The following ITCH variants were observed in gnomAD, a reference collection of about 807,000 sequenced individuals.
ITCH encodes E3 ubiquitin-protein ligase Itchy homolog.
ITCH carries 28 observed loss-of-function variants against 126.8 expected under a neutral mutation model. That is an observed-to-expected ratio of 0.22 (90% CI 0.16 to 0.30). The LOEUF is 0.30. ITCH is among the 10% of genes least tolerant of loss of function. ITCH has a pLI of 1.00. For synonymous variants in ITCH, 342 were observed against 340.0 expected (o/e 1.01, Z -0.06); for missense variants, 631 against 1,032.4 (o/e 0.61, Z 5.33).
chr20:34,471,419 G>T, intron 15 of ITCH, 25 bp from the exon 16 acceptor site: 1 of 1,430,366 alleles, frequency 7.0e-7, no homozygotes, highest in Non-Finnish European at 9.9e-7. Context: ...GATGAGAGTT[G>T]ACTTAAGTCA....
rs147247194 is a variant in ITCH, at chr20:34,437,536, C to T, written c.522-938C>T. Reference sequence around the variant, plus strand: ...TGCCCAGGCTGATCTGTCACTCCTGCGCTTAAGTGATCCTTTCACCTCAGC... The same window carrying T: ...TGCCCAGGCTGATCTGTCACTCCTGTGCTTAAGTGATCCTTTCACCTCAGC... On this transcript the variant is annotated intron_variant, in intron 7 of 24. Transcript: ENST00000374864. 1.1e-3 allele frequency among the ~76,000 whole-genome samples: 173 copies of T among 152,262 alleles called. 1 individual carries two copies. Among genetic ancestry groups the T allele is most frequent in the African/African-American group, 4.0e-3 (165 of 41,560 alleles).
At position 34,481,166 on chromosome 20, in the gene ITCH, A is replaced by G. The variant is rs1380919325; in HGVS notation, c.2053A>G (p.Asn685Asp). The change falls in exon 20 of 25, where the codon AAT becomes GAT. Residue 685 changes from asparagine (N) to aspartate (D), a missense_variant. Asn to Asp is a conservative substitution (Grantham distance 23). Coordinates refer to ENST00000374864, the MANE Select transcript of ITCH (RefSeq NM_031483.7). ...KSHDLKPNGG[N>D]ILVTEENKEE... is the part of the protein sequence containing the mutation. Reference sequence around the variant, plus strand: ...TCATGATCTGAAACCTAATGGTGGCAATATTCTTGTAACAGAAGAAAATAA... The same window carrying G: ...TCATGATCTGAAACCTAATGGTGGCGATATTCTTGTAACAGAAGAAAATAA... 4.3e-6 allele frequency: 7 copies of G among 1,613,272 alleles called. No homozygotes were observed. Among genetic ancestry groups the G allele is most frequent in the Non-Finnish European group, 5.9e-6 (7 of 1,179,522 alleles).
At chr20:34,457,970 A>G (rs1430879746) in intron 13 of ITCH, among the ~76,000 whole-genome samples, 1 of 152,260 alleles carries the variant, frequency 6.6e-6, no homozygotes, top group East Asian at 1.9e-4. Context: ...AACAATAGAA[A>G]AGCAAAAAAA....
At chr20:34,498,137 T>A (rs968460207) in intron 23 of ITCH, among the ~76,000 whole-genome samples, 9 of 152,220 alleles carry the variant, frequency 5.9e-5, no homozygotes, top group Admixed American at 5.2e-4. Flanking sequence ...TTTCTTCTAG[T>A]TTGTTGTTTT....
chr20:34,375,841 C>T (rs2037823850), intron 2 of ITCH, among the ~76,000 whole-genome samples: 4 of 147,960 alleles, frequency 2.7e-5, no homozygotes, highest in South Asian at 4.3e-4. Flanking sequence ...AGCGAGATCC[C>T]GTCATTATAT....
At chr20:34,379,835 G>A (rs985274212) in intron 2 of ITCH, among the ~76,000 whole-genome samples, 2 of 149,166 alleles carry the variant, frequency 1.3e-5, no homozygotes. Flanking sequence ...CTGACCTCGT[G>A]ATCTGCCTGC....
chr20:34,420,966 A>C (rs1980685813), intron 6 of ITCH, among the ~76,000 whole-genome samples: 1 of 152,208 alleles, frequency 6.6e-6, no homozygotes, highest in Admixed American at 6.5e-5. Flanking sequence ...GACCCTTGCC[A>C]GCCTAATGTG....
intron 12 of ITCH, among the ~76,000 whole-genome samples, chr20:34,452,418 T>C (rs182556261): frequency 1.3e-5 from 2 of 152,354 alleles, no homozygotes. Context: ...TTCACATTCC[T>C]CATGTTGAAG....
At chr20:34,445,488 A>G (rs1326398143) in intron 11 of ITCH, 27 bp downstream of exon 11, 3 of 1,608,124 alleles carry the variant, frequency 1.9e-6, no homozygotes, top group African/African-American at 1.3e-5. Flanking sequence ...TTAATAAACT[A>G]ATAAGAGTAT....
At chr20:34,487,304 G>T (rs1989199965) in intron 20 of ITCH, among the ~76,000 whole-genome samples, 2 of 152,068 alleles carry the variant, frequency 1.3e-5, no homozygotes, top group Admixed American at 1.3e-4. Context: ...GAGCCGCCGT[G>T]CCCAGCCAGG....
At chr20:34,394,007 G>A (rs1329297510) in intron 3 of ITCH, 126 bp downstream of exon 3, 7 of 896,094 alleles carry the variant, frequency 7.8e-6, no homozygotes, top group Admixed American at 5.4e-5. Flanking sequence ...TGAGGTGGGC[G>A]GGTCACTTGA....
Position 34,406,807 on chromosome 20 carries a change from T to G in ITCH, c.71-1844T>G, listed in dbSNP as rs9973983. Reference sequence around the variant, plus strand: ...TCTCAGTCTCCCAAAGTGCTGGGATTACAGGCGTGAGCCACCGCACCCGGC... The same window carrying G: ...TCTCAGTCTCCCAAAGTGCTGGGATGACAGGCGTGAGCCACCGCACCCGGC... On this transcript the variant is annotated intron_variant, in intron 3 of 24. Transcript: ENST00000374864. Among the ~76,000 whole-genome samples, 1,503 of 152,324 alleles carry G rather than the reference T, an allele frequency of 9.9e-3. 27 individuals carry two copies. Among genetic ancestry groups the G allele is most frequent in the African/African-American group, 0.035 (1,444 of 41,572 alleles).
intron 1 of ITCH, among the ~76,000 whole-genome samples, chr20:34,364,910 A>G (rs1019246030): frequency 1.3e-5 from 2 of 148,878 alleles, no homozygotes; most frequent in Non-Finnish European, 3.0e-5. Flanking sequence ...AAAAAAAAAA[A>G]AGCAATGGGA....
rs1300791844 is a variant in ITCH, at chr20:34,504,420, T to A, written c.2489+17T>A. The A allele has an allele frequency of 6.5e-7, 1 of 1,545,638 alleles. No homozygotes were observed. The highest frequency in any genetic ancestry group is 2.2e-5 in the East Asian group (1 of 44,520). ...TCATACCTGGTAAGTACAATCAGAA[T>A]GGATAGAGAAAACAGCTTTTGTCCA... is the stretch of plus-strand genomic sequence containing the variant. On this transcript the variant is annotated intron_variant, in intron 24 of 24. Coordinates refer to ENST00000374864, the MANE Select transcript of ITCH (RefSeq NM_031483.7).
intron 23 of ITCH, among the ~76,000 whole-genome samples, chr20:34,497,457 G>A (rs1989964706): frequency 6.6e-6 from 1 of 152,216 alleles, no homozygotes; most frequent in African/African-American, 2.4e-5. Flanking sequence ...AAGTCCAGTA[G>A]TGTGATGCCT....
chr20:34,466,565 T>A (rs1987088955), intron 14 of ITCH: 1 of 420,368 alleles, frequency 2.4e-6, no homozygotes, highest in Non-Finnish European at 4.5e-6. Context: ...CTATCATTCA[T>A]TTTAGTTACA....
chr20:34,364,128 A>G (rs1444075091), intron 1 of ITCH, among the ~76,000 whole-genome samples: 2 of 152,218 alleles, frequency 1.3e-5, no homozygotes, highest in Non-Finnish European at 2.9e-5. Flanking sequence ...CGCGACAGAA[A>G]AGAGAATCGC....
At chr20:34,418,795 C>T (rs1265476703) in intron 6 of ITCH, among the ~76,000 whole-genome samples, 8 of 87,420 alleles carry the variant, frequency 9.2e-5, no homozygotes, top group Non-Finnish European at 1.8e-4. Flanking sequence ...GGGTTTCGCT[C>T]TTATTGCCCA....
intron 13 of ITCH, among the ~76,000 whole-genome samples, chr20:34,460,987 C>T (rs2146369525): frequency 6.6e-6 from 1 of 152,258 alleles, no homozygotes; most frequent in South Asian, 2.1e-4. Context: ...TGCCACTGCA[C>T]TCCACCCTGG....
Sources: gnomAD v4.1 joint callset for allele counts (sites outside exome capture counted in the v4.1 genomes callset) on GRCh38, gnomAD v4.1.1 for gene constraint, MANE v1.5 for transcripts, NCBI Gene and HGNC (gene_info 2026-07-23, HGNC 2026-07-21) for gene names.